LAMC3: variants seen among roughly 807,000 people sequenced by gnomAD.
LAMC3 encodes the protein laminin subunit gamma 3.
A neutral mutation model predicts 173.8 loss-of-function variants in LAMC3; 128 were observed. The ratio of observed to expected loss-of-function variants is 0.74; its 90% CI spans 0.64 to 0.85. LAMC3 has a LOEUF of 0.85. LAMC3 is among the 40% of genes least tolerant of loss of function. LAMC3 has a pLI of 0.00. For synonymous variants in LAMC3, 897 were observed against 909.1 expected (o/e 0.99, Z 0.24); for missense variants, 2,022 against 2,156.0 (o/e 0.94, Z 1.23).
chr9:131,074,008 G>A (rs1344056616), intron 20 of LAMC3, among the ~76,000 whole-genome samples: 7 of 139,802 alleles, frequency 5.0e-5, no homozygotes, highest in African/African-American at 1.9e-4. Flanking sequence ...GTGCAGTGGC[G>A]CTATCTCGGC....
chr9:131,091,775 C>T lies in LAMC3; in HGVS notation c.4716C>T (p.Ala1572=), dbSNP rs1321152230. The T allele has an allele frequency of 6.2e-7, 1 of 1,612,638 alleles. No homozygotes were observed. Among genetic ancestry groups the T allele is most frequent in the African/African-American group, 1.3e-5 (1 of 74,928 alleles). ...AILHSLPENC[A]SWQ Reference sequence around the variant, plus strand: ...TGCACAGCCTGCCCGAGAACTGTGCCAGCTGGCAGTGAGGGCTGCCCAGAT... The same window carrying T: ...TGCACAGCCTGCCCGAGAACTGTGCTAGCTGGCAGTGAGGGCTGCCCAGAT... The change falls in exon 28 of 28, where the codon GCC becomes GCT. Residue 1572 remains alanine (A), a synonymous_variant. Transcript: ENST00000361069.
intron 13 of LAMC3, among the ~76,000 whole-genome samples, chr9:131,061,787 T>A (rs1829830967): frequency 6.6e-6 from 1 of 152,108 alleles, no homozygotes; most frequent in African/African-American, 2.4e-5. Flanking sequence ...TGGTGGCTCA[T>A]GCCTGTAATC....
chr9:131,015,267 C>T (rs1236919557), intron 1 of LAMC3, among the ~76,000 whole-genome samples: 1 of 152,132 alleles, frequency 6.6e-6, no homozygotes, highest in Non-Finnish European at 1.5e-5. Context: ...GGATGAAGGG[C>T]CCCCAGCCTT....
intron 8 of LAMC3, 31 bp from the exon 9 acceptor site, chr9:131,048,989 T>A (rs1450313083): frequency 7.0e-7 from 1 of 1,427,184 alleles, no homozygotes; most frequent in Non-Finnish European, 9.6e-7. Flanking sequence ...GGCCTCACAC[T>A]GATCGGGGGG....
At chr9:131,028,258 C>T (rs959326445) in intron 2 of LAMC3, among the ~76,000 whole-genome samples, 7 of 152,178 alleles carry the variant, frequency 4.6e-5, no homozygotes, top group Non-Finnish European at 1.0e-4. Flanking sequence ...CCGCCTACCC[C>T]GTTCGTGGAA....
At chr9:131,028,351 C>T (rs746396551) in intron 2 of LAMC3, among the ~76,000 whole-genome samples, 2 of 152,172 alleles carry the variant, frequency 1.3e-5, no homozygotes, top group East Asian at 1.9e-4. Flanking sequence ...GGTTCAGACC[C>T]AAGACGTGTC....
Position 131,056,920 on chromosome 9 carries a change from G to C in LAMC3, c.1940-9G>C. ...CTCCTCTCTTCCTCTCTCCCTTCTC[G>C]CTCTGCAGGTCCAGTGTTCCTGACT... On this transcript the variant is annotated splice_polypyrimidine_tract_variant and intron_variant, in intron 11 of 27. Coordinates refer to ENST00000361069, the MANE Select transcript of LAMC3 (RefSeq NM_006059.4). The C allele has an allele frequency of 6.2e-7, 1 of 1,609,084 alleles. No homozygotes were observed. Among genetic ancestry groups the C allele is most frequent in the Non-Finnish European group, 8.5e-7 (1 of 1,178,456 alleles).
chr9:131,054,662 T>C (rs1393285627), intron 11 of LAMC3, among the ~76,000 whole-genome samples: 1 of 151,900 alleles, frequency 6.6e-6, no homozygotes, highest in Non-Finnish European at 1.5e-5. Context: ...GGAGAATTGC[T>C]TGAACCTGGG....
chr9:131,014,712 C>T lies in LAMC3; in HGVS notation c.373+5125C>T, dbSNP rs188822138. 1.3e-3 allele frequency among the ~76,000 whole-genome samples: 202 copies of T among 152,328 alleles called. No individual in the cohort carries two copies. The Middle Eastern group carries it at 0.014, about 10-fold the overall frequency. On this transcript the variant is annotated intron_variant, in intron 1 of 27. Transcript: ENST00000361069. ...TCATTGAGGCTGGGTGAGGCTCACA[C>T]CTGTAACCCCAGCACTTTGGGAGGC...
chr9:131,053,419 G>A (rs1320179960), intron 11 of LAMC3, among the ~76,000 whole-genome samples: 1 of 152,180 alleles, frequency 6.6e-6, no homozygotes, highest in Admixed American at 6.5e-5. Flanking sequence ...CCCAAAGAGG[G>A]GGCCAAGCCA....
chr9:131,085,743 C>CA lies in LAMC3; in HGVS notation c.4230+22dup. 1 of 1,612,162 alleles carries CA rather than the reference C, an allele frequency of 6.2e-7. No individual in the cohort carries two copies. Among genetic ancestry groups the CA allele is most frequent in the Admixed American group, 1.7e-5 (1 of 60,002 alleles). On this transcript the variant is annotated intron_variant, in intron 25 of 27. Coordinates refer to ENST00000361069, the MANE Select transcript of LAMC3 (RefSeq NM_006059.4). ...GCCAAGGTCAGGGTGGTGGCTGTGACAACAGTGGCCTCCTTCCCTCCCGGG... is the reference window on the plus strand; with the variant it reads ...GCCAAGGTCAGGGTGGTGGCTGTGACAAACAGTGGCCTCCTTCCCTCCCGGG...
intron 12 of LAMC3, among the ~76,000 whole-genome samples, chr9:131,059,762 T>C (rs1004976583): frequency 6.6e-6 from 1 of 152,200 alleles, no homozygotes; most frequent in African/African-American, 2.4e-5. Context: ...CTGCTCAGCT[T>C]GGGCAAGTCC....
At chr9:131,076,015 G>T in intron 21 of LAMC3, 50 bp downstream of exon 21, 1 of 1,538,586 alleles carries the variant, frequency 6.5e-7, no homozygotes, top group Non-Finnish European at 8.8e-7. Context: ...GCCTCCTGGA[G>T]CCAACAGGGC....
At chr9:131,072,298 G>A (rs930171926) in intron 18 of LAMC3, among the ~76,000 whole-genome samples, 1 of 152,174 alleles carries the variant, frequency 6.6e-6, no homozygotes, top group African/African-American at 2.4e-5. Context: ...ATCAGATACC[G>A]TGTCTTAAAA....
chr9:131,055,464 A>G (rs113655827), intron 11 of LAMC3, among the ~76,000 whole-genome samples: 174 of 118,490 alleles, frequency 1.5e-3, no homozygotes, highest in African/African-American at 4.9e-3. Context: ...TTGCTCTGTC[A>G]CCCAGGCTGG....
At chr9:131,051,130 C>T (rs1302792202) in intron 9 of LAMC3, among the ~76,000 whole-genome samples, 2 of 152,128 alleles carry the variant, frequency 1.3e-5, no homozygotes, top group East Asian at 3.9e-4. Context: ...TGTGGCGGGG[C>T]GCGCTACAGA....
At chr9:131,041,795 G>C in intron 7 of LAMC3, 60 bp downstream of exon 7, 1 of 1,450,448 alleles carries the variant, frequency 6.9e-7, no homozygotes, top group Non-Finnish European at 9.6e-7. Flanking sequence ...CACTGATGAG[G>C]CACCAAAGCT....
rs10696088 is a variant in LAMC3, at chr9:131,091,923, T to TCA, written c.*138_*139dup. The TCA allele has an allele frequency of 0.75, 752,055 of 1,000,212 alleles. 290,645 individuals are homozygous for TCA. The highest frequency in any genetic ancestry group is 0.8 in the Admixed American group (36,903 of 45,890). The allele number at this position is 1,000,212 out of a possible 1,614,324, so 62.0% of individuals were successfully genotyped here. A position where few individuals can be genotyped will look rare whatever the true frequency, so the allele number is the denominator to read the frequency against. On this transcript the variant is annotated 3_prime_UTR_variant, in exon 28 of 28. Coordinates refer to ENST00000361069, the MANE Select transcript of LAMC3 (RefSeq NM_006059.4). ...TGTGAACTCGCCCCCGTGTGGATAGTCACTCCCTGCCGATTCTGTCTGTGG... is the reference window on the plus strand; with the variant it reads ...TGTGAACTCGCCCCCGTGTGGATAGTCACACTCCCTGCCGATTCTGTCTGTGG...
chr9:131,050,071 C>T (rs1219127538), intron 9 of LAMC3, among the ~76,000 whole-genome samples: 1 of 152,256 alleles, frequency 6.6e-6, no homozygotes, highest in Non-Finnish European at 1.5e-5. Flanking sequence ...CGTCGGGCCC[C>T]TCGTGGGGCA....
Sources: gnomAD v4.1 joint callset for allele counts (sites outside exome capture counted in the v4.1 genomes callset) on GRCh38, gnomAD v4.1.1 for gene constraint, MANE v1.5 for transcripts, NCBI Gene and HGNC (gene_info 2026-07-23, HGNC 2026-07-21) for gene names.